The following TMEM131L variants were observed in gnomAD, a reference collection of about 807,000 sequenced individuals.
TMEM131L encodes transmembrane 131 like, also known as transmembrane protein 131-like.
In TMEM131L, 54 loss-of-function variants were observed where a neutral mutation model predicts 192.2. That is an observed-to-expected ratio of 0.28 (90% CI 0.23 to 0.35). The LOEUF (loss-of-function observed/expected upper bound fraction) is 0.35, where lower values mean the gene tolerates loss of function less well. Ranked by LOEUF, TMEM131L falls within the 10% of genes least tolerant of loss-of-function variation. TMEM131L has a pLI of 1.00. For missense variants in TMEM131L, 1,888 were observed against 1,972.9 expected, an observed-to-expected ratio of 0.96 and a Z score of 0.82; for synonymous variants, 701 against 704.9, an observed-to-expected ratio of 0.99 and a Z score of 0.09.
chr4:153,629,234 C>T (rs559864077), intron 31 of TMEM131L, among the ~76,000 whole-genome samples: 1 of 152,166 alleles, frequency 6.6e-6, no homozygotes, highest in Non-Finnish European at 1.5e-5. Flanking sequence ...CCTCGTGCCT[C>T]GTTTACTTGA....
At position 153,620,812 on chromosome 4, in the gene TMEM131L, A is replaced by C. The variant is rs762655342; in HGVS notation, c.3624A>C (p.Gln1208His). The C allele has an allele frequency of 3.8e-6, 6 of 1,595,422 alleles. No individual in the cohort carries two copies. In the East Asian group the frequency reaches 1.1e-4, roughly 30 times the overall value. ...KLQEKREGNLQNLNWSKSRTC... is the reference protein window; with the variant it reads ...KLQEKREGNLHNLNWSKSRTC... ...AGGAGAAAAGAGAAGGAAATTTACAAAATTTAAATTGGAGTAAAAGTCGAA... is the reference window on the plus strand; with the variant it reads ...AGGAGAAAAGAGAAGGAAATTTACACAATTTAAATTGGAGTAAAAGTCGAA... The change falls in exon 27 of 35, where the codon CAA becomes CAC. Residue 1208 changes from glutamine (Q) to histidine (H), a missense_variant. Coordinates refer to ENST00000409959, the MANE Select transcript of TMEM131L (RefSeq NM_001131007.2).
At chr4:153,596,156 C>T (rs1731422661) in intron 19 of TMEM131L, 102 bp from the exon 20 acceptor site, 4 of 1,348,978 alleles carry the variant, frequency 3.0e-6, no homozygotes, top group South Asian at 1.3e-5. Context: ...CAAATCTGGA[C>T]ATTAAAAGAG....
chr4:153,527,670 T>C (rs1735596791), intron 3 of TMEM131L, among the ~76,000 whole-genome samples: 1 of 152,190 alleles, frequency 6.6e-6, no homozygotes, highest in Non-Finnish European at 1.5e-5. Context: ...TTTACTTCCT[T>C]TTCTTCATAG....
At chr4:153,521,995 T>G (rs536386852) in intron 3 of TMEM131L, among the ~76,000 whole-genome samples, 1 of 152,258 alleles carries the variant, frequency 6.6e-6, no homozygotes, top group South Asian at 2.1e-4. Flanking sequence ...TTTTGTTATT[T>G]TGGTGTATGT....
intron 19 of TMEM131L, among the ~76,000 whole-genome samples, chr4:153,595,991 C>T (rs1031799340): frequency 6.6e-6 from 1 of 152,144 alleles, no homozygotes; most frequent in Non-Finnish European, 1.5e-5. Flanking sequence ...CTTCTAGCCC[C>T]AACTTCCATT....
intron 7 of TMEM131L, among the ~76,000 whole-genome samples, chr4:153,576,251 C>T (rs986107098): frequency 3.9e-5 from 6 of 152,142 alleles, no homozygotes; most frequent in African/African-American, 1.2e-4. Flanking sequence ...TTGGCCACCG[C>T]GCCCGGCCCA....
intron 21 of TMEM131L, 111 bp downstream of exon 21, chr4:153,598,843 C>G: frequency 2.3e-6 from 2 of 882,976 alleles, no homozygotes; most frequent in African/African-American, 1.7e-5. Context: ...TTTTTAAATT[C>G]TAAAAATTTA....
intron 3 of TMEM131L, among the ~76,000 whole-genome samples, chr4:153,518,122 A>G (rs1734861041): frequency 6.6e-6 from 1 of 152,172 alleles, no homozygotes; most frequent in South Asian, 2.1e-4. Context: ...GGGAGTGAAC[A>G]TGCCGGGCTT....
intron 33 of TMEM131L, among the ~76,000 whole-genome samples, chr4:153,634,564 T>C (rs1368983859): frequency 1.3e-4 from 20 of 152,310 alleles, no homozygotes; most frequent in East Asian, 5.8e-4. Flanking sequence ...TTTGGATCCA[T>C]GTAGATGTAA....
At chr4:153,582,218 GT>G (rs1005456660) in intron 9 of TMEM131L, among the ~76,000 whole-genome samples, 20 of 151,668 alleles carry the variant, frequency 1.3e-4, no homozygotes, top group African/African-American at 4.6e-4. Context: ...TATTCTTTGG[GT>G]TTTTTTGTTT....
At chr4:153,611,288 C>G (rs888582648) in intron 25 of TMEM131L, among the ~76,000 whole-genome samples, 4 of 152,158 alleles carry the variant, frequency 2.6e-5, no homozygotes, top group Non-Finnish European at 5.9e-5. Context: ...AACTGTCAAA[C>G]AAGAGAGGCA....
At chr4:153,565,592 A>G (rs546234568) in intron 7 of TMEM131L, among the ~76,000 whole-genome samples, 2 of 152,210 alleles carry the variant, frequency 1.3e-5, no homozygotes, top group Non-Finnish European at 2.9e-5. Flanking sequence ...AGTAAATGCT[A>G]TATTGATTTT....
chr4:153,526,065 GC>G (rs1735456466), intron 3 of TMEM131L, among the ~76,000 whole-genome samples: 1 of 151,612 alleles, frequency 6.6e-6, no homozygotes, highest in Non-Finnish European at 1.5e-5. Context: ...CACCATGTTG[GC>G]CAGGATGGTC....
At chr4:153,593,482 T>G (rs942083908) in intron 18 of TMEM131L, among the ~76,000 whole-genome samples, 10 of 152,152 alleles carry the variant, frequency 6.6e-5, no homozygotes, top group African/African-American at 2.4e-4. Flanking sequence ...AGTCACTTTT[T>G]TTTTCAAAAA....
At position 153,566,137 on chromosome 4, in the gene TMEM131L, C is replaced by CT. The variant is rs774119161; in HGVS notation, c.660+7784dup. Among the ~76,000 whole-genome samples the CT allele has an allele frequency of 6.8e-3, 967 of 142,722 alleles. 2 individuals carry two copies. The highest frequency in any genetic ancestry group is 8.7e-3 in the African/African-American group (340 of 39,136). The allele number at this position is 142,722 out of a possible 152,430, so 93.6% of individuals were successfully genotyped here. ...TGTGATTATAAGACAATGTGGGAAA[C>CT]TTTTTTTTTTTTTTTGAGACAAGAG... On this transcript the variant is annotated intron_variant, in intron 7 of 34. Coordinates refer to ENST00000409959, the MANE Select transcript of TMEM131L (RefSeq NM_001131007.2).
chr4:153,553,392 A>T (rs17030134), intron 4 of TMEM131L, among the ~76,000 whole-genome samples: 7,075 of 152,036 alleles, frequency 0.047, 474 homozygotes, highest in African/African-American at 0.14. Flanking sequence ...GAGCACTCAT[A>T]ATGCTATTTT....
At chr4:153,558,612 T>C (rs1580211910) in intron 7 of TMEM131L, 4 of 297,740 alleles carry the variant, frequency 1.3e-5, no homozygotes, top group East Asian at 1.1e-4. Context: ...TTCACTGTTA[T>C]TACCGTTAGG....
intron 3 of TMEM131L, among the ~76,000 whole-genome samples, chr4:153,475,458 C>T (rs1036123491): frequency 2.0e-5 from 3 of 152,098 alleles, no homozygotes; most frequent in African/African-American, 7.2e-5. Context: ...GATAAAAAAC[C>T]TGTCTCATTC....
chr4:153,620,235 G>A (rs563311772), intron 26 of TMEM131L, among the ~76,000 whole-genome samples: 89 of 152,132 alleles, frequency 5.9e-4, no homozygotes, highest in Non-Finnish European at 1.2e-3. Flanking sequence ...ATGCTTTTCA[G>A]AACCACATTT....
Sources: gnomAD v4.1 joint callset for allele counts (sites outside exome capture counted in the v4.1 genomes callset) on GRCh38, gnomAD v4.1.1 for gene constraint, MANE v1.5 for transcripts, NCBI Gene and HGNC (gene_info 2026-07-23, HGNC 2026-07-21) for gene names.